Variants in B3GALT1 observed in about 807,000 individuals in gnomAD.
B3GALT1 encodes the protein UDP-Gal:betaGlcNAc beta 1,3-galactosyltransferase, polypeptide 1.
B3GALT1 carries 10 observed loss-of-function variants against 23.2 expected under a neutral mutation model. The ratio of observed to expected loss-of-function variants is 0.43; its 90% CI spans 0.27 to 0.73. The LOEUF (loss-of-function observed/expected upper bound fraction) is 0.73. Among genes scored for constraint, B3GALT1 ranks in the 30% least tolerant of loss-of-function variants. The pLI, the probability that B3GALT1 is intolerant of heterozygous loss-of-function variation, is 0.21. For missense variants in B3GALT1, 299 were observed against 405.4 expected, an observed-to-expected ratio of 0.74 and a Z score of 2.25; for synonymous variants, 156 against 141.5, an observed-to-expected ratio of 1.10 and a Z score of -0.73.
intron 1 of B3GALT1, among the ~76,000 whole-genome samples, chr2:167,324,452 T>G (rs1696860968): frequency 6.6e-6 from 1 of 152,050 alleles, no homozygotes; most frequent in Non-Finnish European, 1.5e-5. Context: ...AATCAATTAT[T>G]TATAGATTGT....
chr2:167,422,047 TAGAGGAGGAGGA>T (rs1698553527), intron 1 of B3GALT1, among the ~76,000 whole-genome samples: 1 of 132,656 alleles, frequency 7.5e-6, no homozygotes, highest in African/African-American at 2.9e-5. Context: ...CTTATGAGGG[TAGAGGAGGAGGA>T]AGAGGAAGAG....
At chr2:167,488,268 A>G in intron 1 of B3GALT1, among the ~76,000 whole-genome samples, 1 of 152,198 alleles carries the variant, frequency 6.6e-6, no homozygotes. Flanking sequence ...GTTTTGATGC[A>G]ACTCTTGGTT....
chr2:167,587,866 A>T (rs1364683853), intron 2 of B3GALT1, among the ~76,000 whole-genome samples: 1 of 152,200 alleles, frequency 6.6e-6, no homozygotes, highest in Non-Finnish European at 1.5e-5. Flanking sequence ...AACCTTTTGG[A>T]TATAATTGGA....
intron 1 of B3GALT1, among the ~76,000 whole-genome samples, chr2:167,373,800 C>T (rs1341627739): frequency 2.6e-5 from 4 of 152,124 alleles, no homozygotes; most frequent in Non-Finnish European, 5.9e-5. Flanking sequence ...CTCAAGTGAT[C>T]CATCTGCCTC....
At chr2:167,856,754 A>G (rs1690007261) in intron 4 of B3GALT1, among the ~76,000 whole-genome samples, 1 of 152,198 alleles carries the variant, frequency 6.6e-6, no homozygotes, top group African/African-American at 2.4e-5. Flanking sequence ...AAAGCAGGAG[A>G]GAGTGCCCAG....
chr2:167,715,938 A>G, intron 3 of B3GALT1: 3 of 1,613,178 alleles, frequency 1.9e-6, no homozygotes, highest in Non-Finnish European at 1.7e-6. Flanking sequence ...GCATACCACC[A>G]GTTCGCATGG....
chr2:167,715,920 A>G (rs1256249884), intron 3 of B3GALT1: 1 of 1,613,278 alleles, frequency 6.2e-7, no homozygotes, highest in Non-Finnish European at 8.5e-7. Context: ...AAATCCAACA[A>G]CAGCTGCGCA....
At position 167,805,943 on chromosome 2, in the gene B3GALT1, A is replaced by G. The variant is rs183401831; in HGVS notation, c.-351-12729A>G. 2.1e-3 allele frequency among the ~76,000 whole-genome samples: 312 copies of G among 152,074 alleles called. 1 individual carries two copies. The highest frequency in any genetic ancestry group is 6.9e-3 in the African/African-American group (287 of 41,422). The stretch of plus-strand genomic sequence containing the variant: ...CAGTATGGCCATTTTCACGATATTG[A>G]TTCTTCCTACCCATGAGCATGGAAT... On this transcript the variant is annotated intron_variant, in intron 3 of 4. Coordinates refer to ENST00000392690, the MANE Select transcript of B3GALT1 (RefSeq NM_020981.4).
At chr2:167,576,940 G>A (rs1408524359) in intron 2 of B3GALT1, among the ~76,000 whole-genome samples, 1 of 151,694 alleles carries the variant, frequency 6.6e-6, no homozygotes, top group African/African-American at 2.4e-5. Flanking sequence ...GAAAACAAAA[G>A]AGAAATCCTA....
At chr2:167,449,436 A>C (rs1466873214) in intron 1 of B3GALT1, among the ~76,000 whole-genome samples, 1 of 152,132 alleles carries the variant, frequency 6.6e-6, no homozygotes, top group Non-Finnish European at 1.5e-5. Flanking sequence ...ATTTGTGTAC[A>C]TTAATTTTGT....
intron 4 of B3GALT1, among the ~76,000 whole-genome samples, chr2:167,839,573 G>T (rs1245560863): frequency 1.8e-4 from 28 of 152,388 alleles, no homozygotes; most frequent in East Asian, 1.9e-4. Flanking sequence ...TGGATAGGAA[G>T]AATCAATATC....
intron 2 of B3GALT1, among the ~76,000 whole-genome samples, chr2:167,572,139 A>G (rs1439633321): frequency 6.6e-6 from 1 of 151,832 alleles, no homozygotes; most frequent in Non-Finnish European, 1.5e-5. Flanking sequence ...AGTAAAGGGA[A>G]GAACAATAAT....
At chr2:167,373,888 A>G (rs1697723457) in intron 1 of B3GALT1, among the ~76,000 whole-genome samples, 3 of 152,116 alleles carry the variant, frequency 2.0e-5, no homozygotes, top group Admixed American at 6.6e-5. Context: ...TTCAGGGGGT[A>G]CATGTGTAGG....
At chr2:167,427,760 C>CTG (rs1376573428) in intron 1 of B3GALT1, among the ~76,000 whole-genome samples, 4 of 152,180 alleles carry the variant, frequency 2.6e-5, no homozygotes, top group Non-Finnish European at 5.9e-5. Flanking sequence ...TCTCAAACTC[C>CTG]TGGACTCAAG....
At chr2:167,720,960 A>C (rs1868382) in intron 3 of B3GALT1, among the ~76,000 whole-genome samples, 105,377 of 152,022 alleles carry the variant, frequency 0.69, 37,702 homozygotes, top group Non-Finnish European at 0.81. Flanking sequence ...TCAACTTTCT[A>C]TTGTATGTTG....
intron 3 of B3GALT1, among the ~76,000 whole-genome samples, chr2:167,752,124 G>A (rs1558968135): frequency 6.6e-6 from 1 of 151,810 alleles, no homozygotes; most frequent in Non-Finnish European, 1.5e-5. Context: ...AAGATTTTAT[G>A]GGATGCAGTG....
chr2:167,566,048 A>T (rs1684157635), intron 2 of B3GALT1, among the ~76,000 whole-genome samples: 1 of 152,190 alleles, frequency 6.6e-6, no homozygotes, highest in South Asian at 2.1e-4. Context: ...AGACACATGC[A>T]TACATATGTT....
At chr2:167,617,801 C>T (rs1685186975) in intron 2 of B3GALT1, among the ~76,000 whole-genome samples, 1 of 152,004 alleles carries the variant, frequency 6.6e-6, no homozygotes, top group East Asian at 1.9e-4. Flanking sequence ...CTACTCCACA[C>T]CACTTGGCTA....
chr2:167,482,858 T>C (rs998979809), intron 1 of B3GALT1, among the ~76,000 whole-genome samples: 1 of 151,596 alleles, frequency 6.6e-6, no homozygotes, highest in South Asian at 2.1e-4. Flanking sequence ...AAGCCAAGCA[T>C]AAACACTCTG....
Sources: allele counts gnomAD v4.1 joint callset (sites outside exome capture counted in the v4.1 genomes callset), GRCh38; gene constraint gnomAD v4.1.1; transcripts MANE v1.5; gene names NCBI Gene and HGNC (gene_info 2026-07-23, HGNC 2026-07-21).